GNA12: variants seen among roughly 807,000 people sequenced by gnomAD.
The protein encoded by GNA12 is guanine nucleotide-binding protein subunit alpha-12.
GNA12 carries 9 observed loss-of-function variants against 26.0 expected under a neutral mutation model. The ratio of observed to expected loss-of-function variants is 0.35; its 90% CI spans 0.21 to 0.60. The LOEUF (loss-of-function observed/expected upper bound fraction) is 0.60, where lower values mean the gene tolerates loss of function less well. Ranked by LOEUF, GNA12 falls within the 20% of genes least tolerant of loss-of-function variation. GNA12 has a pLI of 0.78. For missense variants in GNA12, 405 were observed against 525.8 expected (o/e 0.77, Z 2.25); for synonymous variants, 264 against 219.6 (o/e 1.20, Z -1.79).
At chr7:2,770,674 A>G (rs1791925838) in intron 2 of GNA12, among the ~76,000 whole-genome samples, 1 of 152,060 alleles carries the variant, frequency 6.6e-6, no homozygotes, top group African/African-American at 2.4e-5. Context: ...AAAACAACAC[A>G]CAGAAAGAAA....
intron 2 of GNA12, among the ~76,000 whole-genome samples, chr7:2,753,873 T>C (rs1467462947): frequency 6.6e-6 from 1 of 152,192 alleles, no homozygotes; most frequent in Non-Finnish European, 1.5e-5. Context: ...GAACAATCTG[T>C]TCCTTTTCAG....
At chr7:2,829,311 T>C (rs571251599) in intron 1 of GNA12, among the ~76,000 whole-genome samples, 1 of 152,168 alleles carries the variant, frequency 6.6e-6, no homozygotes. Flanking sequence ...TAAGAAAAAC[T>C]AAGGCTTCTT....
chr7:2,794,360 A>C (rs1792597622), intron 2 of GNA12, among the ~76,000 whole-genome samples: 1 of 152,160 alleles, frequency 6.6e-6, no homozygotes, highest in African/African-American at 2.4e-5. Context: ...ATATACGGTT[A>C]ATTTTGAAAG....
At position 2,733,444 on chromosome 7, in the gene GNA12, TACTC is replaced by T; in HGVS notation, c.576+3_576+6del. The T allele has an allele frequency of 6.2e-7, 1 of 1,613,200 alleles. No individual in the cohort carries two copies. Among genetic ancestry groups the T allele is most frequent in the Non-Finnish European group, 8.5e-7 (1 of 1,179,388 alleles). On this transcript the variant is annotated splice_donor_5th_base_variant and intron_variant, in intron 3 of 3. Transcript: ENST00000275364. ...CCCAGCTTCTTCGGGCGGGCGTGCT[TACTC>T]ACCAGCTGGCCGATCCGGTCCAAGT...
intron 1 of GNA12, among the ~76,000 whole-genome samples, chr7:2,807,171 G>A (rs1792969744): frequency 6.6e-6 from 1 of 152,082 alleles, no homozygotes; most frequent in South Asian, 2.1e-4. Flanking sequence ...TGAAAATGAG[G>A]AAAATTTAGT....
intron 2 of GNA12, among the ~76,000 whole-genome samples, chr7:2,785,259 C>T (rs1159502572): frequency 1.3e-5 from 2 of 152,194 alleles, no homozygotes; most frequent in Non-Finnish European, 2.9e-5. Context: ...CCCAAGTAAG[C>T]ATGAGACTAC....
At chr7:2,760,729 T>G (rs1043316257) in intron 2 of GNA12, among the ~76,000 whole-genome samples, 3 of 152,228 alleles carry the variant, frequency 2.0e-5, no homozygotes, top group African/African-American at 7.2e-5. Flanking sequence ...CAGAGCTAAG[T>G]TTAGCTACGA....
intron 2 of GNA12, among the ~76,000 whole-genome samples, chr7:2,790,097 G>C (rs1460284574): frequency 1.3e-5 from 2 of 152,198 alleles, no homozygotes; most frequent in Admixed American, 1.3e-4. Context: ...GTCCCTGCCT[G>C]TGTCTGCTCC....
chr7:2,746,650 G>C (rs2115347565), intron 2 of GNA12, among the ~76,000 whole-genome samples: 1 of 152,198 alleles, frequency 6.6e-6, no homozygotes, highest in South Asian at 2.1e-4. Context: ...CCAGCAGAAG[G>C]CAAGAAATAA....
intron 1 of GNA12, among the ~76,000 whole-genome samples, chr7:2,805,639 A>G (rs1006084359): frequency 6.6e-6 from 1 of 152,264 alleles, no homozygotes; most frequent in African/African-American, 2.4e-5. Flanking sequence ...CACGGAGACT[A>G]GAGCCAGAGC....
At chr7:2,780,065 T>TATATAC (rs1302639738) in intron 2 of GNA12, among the ~76,000 whole-genome samples, 16 of 79,512 alleles carry the variant, frequency 2.0e-4, no homozygotes, top group Non-Finnish European at 9.0e-5. Context: ...TATATATATA[T>TATATAC]ATATATATAT....
At chr7:2,734,215 A>C (rs1790043842) in intron 2 of GNA12, among the ~76,000 whole-genome samples, 1 of 152,228 alleles carries the variant, frequency 6.6e-6, no homozygotes, top group Admixed American at 6.5e-5. Flanking sequence ...TGCGAGGCAC[A>C]CACGGGGCAC....
At chr7:2,735,163 C>T (rs1176974951) in intron 2 of GNA12, among the ~76,000 whole-genome samples, 1 of 152,182 alleles carries the variant, frequency 6.6e-6, no homozygotes, top group African/African-American at 2.4e-5. Flanking sequence ...TCTCCTGCCT[C>T]CTCCTGCTCT....
At chr7:2,791,968 A>C (rs2644306) in intron 2 of GNA12, among the ~76,000 whole-genome samples, 1 of 151,932 alleles carries the variant, frequency 6.6e-6, no homozygotes, top group African/African-American at 2.4e-5. Flanking sequence ...TCTGCATCTG[A>C]TTATTACAGA....
At chr7:2,792,910 TAAC>T (rs938883233) in intron 2 of GNA12, among the ~76,000 whole-genome samples, 1 of 152,106 alleles carries the variant, frequency 6.6e-6, no homozygotes, top group Non-Finnish European at 1.5e-5. Flanking sequence ...AGATATGTGT[TAAC>T]AACACAGAGA....
At chr7:2,820,503 C>A (rs1434742821) in intron 1 of GNA12, among the ~76,000 whole-genome samples, 2 of 149,220 alleles carry the variant, frequency 1.3e-5, no homozygotes, top group East Asian at 1.9e-4. Flanking sequence ...GAAACTAGCC[C>A]AGGAGACATG....
chr7:2,807,889 G>A (rs1176704745), intron 1 of GNA12, among the ~76,000 whole-genome samples: 1 of 152,168 alleles, frequency 6.6e-6, no homozygotes, highest in Admixed American at 6.5e-5. Flanking sequence ...CGACCGAAGA[G>A]CAGCCGCTGA....
chr7:2,806,637 C>G (rs1436148105), intron 1 of GNA12, among the ~76,000 whole-genome samples: 1 of 152,070 alleles, frequency 6.6e-6, no homozygotes, highest in Non-Finnish European at 1.5e-5. Context: ...GGAATGTTAT[C>G]TGTCTTATTC....
chr7:2,798,944 T>C (rs185324129), intron 1 of GNA12, among the ~76,000 whole-genome samples: 1,440 of 66,868 alleles, frequency 0.022, 10 homozygotes, highest in Middle Eastern at 0.2. Context: ...CTTCCACAGG[T>C]AAAGAAAATT....
Sources: gnomAD v4.1 joint callset for allele counts (sites outside exome capture counted in the v4.1 genomes callset) on GRCh38, gnomAD v4.1.1 for gene constraint, MANE v1.5 for transcripts, NCBI Gene and HGNC (gene_info 2026-07-23, HGNC 2026-07-21) for gene names.